LHFPL6: variants seen among roughly 807,000 people sequenced by gnomAD.
LHFPL6 encodes the protein LHFPL tetraspan subfamily member 6.
In LHFPL6, 9 loss-of-function variants were observed where a neutral mutation model predicts 20.6. The ratio of observed to expected loss-of-function variants is 0.44; its 90% CI spans 0.26 to 0.76. The LOEUF (loss-of-function observed/expected upper bound fraction) is 0.76. LHFPL6 is among the 30% of genes least tolerant of loss of function. The pLI, the probability that LHFPL6 is intolerant of heterozygous loss-of-function variation, is 0.20. For missense variants in LHFPL6, 218 were observed against 253.5 expected (o/e 0.86, Z 0.95); for synonymous variants, 105 against 98.7 (o/e 1.06, Z -0.38).
chr13:39,366,030 C>T (rs964998566), intron 3 of LHFPL6, among the ~76,000 whole-genome samples: 1 of 152,184 alleles, frequency 6.6e-6, no homozygotes, highest in African/African-American at 2.4e-5. Context: ...CTAGGGAATC[C>T]TTGCCTCACA....
At chr13:39,598,740 G>A (rs1872842569) in intron 2 of LHFPL6, among the ~76,000 whole-genome samples, 1 of 151,958 alleles carries the variant, frequency 6.6e-6, no homozygotes, top group South Asian at 2.1e-4. Flanking sequence ...GTATTTTTTA[G>A]TGGAGACCGG....
intron 2 of LHFPL6, among the ~76,000 whole-genome samples, chr13:39,422,602 A>AAAAAAG (rs1555261778): frequency 8.7e-6 from 1 of 114,298 alleles, no homozygotes; most frequent in Non-Finnish European, 1.8e-5. Context: ...AAAAAAAAAA[A>AAAAAAG]AAGAAGAAGA....
At chr13:39,348,067 T>G (rs946375586) in intron 3 of LHFPL6, among the ~76,000 whole-genome samples, 13 of 152,166 alleles carry the variant, frequency 8.5e-5, no homozygotes, top group Non-Finnish European at 1.2e-4. Flanking sequence ...TAGTAAAGGG[T>G]TGGCTATCAG....
At chr13:39,563,137 C>T (rs1277688565) in intron 2 of LHFPL6, among the ~76,000 whole-genome samples, 1 of 141,130 alleles carries the variant, frequency 7.1e-6, no homozygotes, top group Non-Finnish European at 1.5e-5. Flanking sequence ...CACACACACA[C>T]ACAGCATCTC....
At position 39,546,663 on chromosome 13, in the gene LHFPL6, G is replaced by A. The variant is rs539657102; in HGVS notation, c.385+54169C>T. Among the ~76,000 whole-genome samples the A allele has an allele frequency of 6.6e-5, 10 of 152,160 alleles. No homozygotes were observed. The South Asian group carries it at 8.3e-4, about 13-fold the overall frequency. ...CCAGACACGAGAGCCAGCAATCAGG[G>A]TCACCCTTGACTCCACCCCATCTCT... On this transcript the variant is annotated intron_variant, in intron 2 of 3. Coordinates refer to ENST00000379589, the MANE Select transcript of LHFPL6 (RefSeq NM_005780.3).
intron 2 of LHFPL6, among the ~76,000 whole-genome samples, chr13:39,433,679 G>C (rs775743795): frequency 2.0e-4 from 31 of 152,136 alleles, no homozygotes; most frequent in Admixed American, 2.0e-4. Context: ...AATAAAACTG[G>C]CAAGTTAAGT....
chr13:39,549,142 C>G (rs748950638), intron 2 of LHFPL6, among the ~76,000 whole-genome samples: 1 of 152,012 alleles, frequency 6.6e-6, no homozygotes, highest in Non-Finnish European at 1.5e-5. Flanking sequence ...GGATGGCAAA[C>G]AGGCATATGA....
At chr13:39,588,415 A>G (rs1019491773) in intron 2 of LHFPL6, among the ~76,000 whole-genome samples, 1 of 152,226 alleles carries the variant, frequency 6.6e-6, no homozygotes, top group Non-Finnish European at 1.5e-5. Context: ...TTGACCATTA[A>G]TTCAAAGAGA....
rs568170802 is a variant in LHFPL6, at chr13:39,487,339, C to T, written c.386-108813G>A. 5.3e-4 allele frequency among the ~76,000 whole-genome samples: 80 copies of T among 152,246 alleles called. 1 individual carries two copies. Among genetic ancestry groups the T allele is most frequent in the Non-Finnish European group, 8.4e-4 (57 of 68,012 alleles). On this transcript the variant is annotated intron_variant, in intron 2 of 3. Coordinates refer to ENST00000379589, the MANE Select transcript of LHFPL6 (RefSeq NM_005780.3). ...TTAGTAGACAAAAGAGCAAACTCTC[C>T]CTTTTTAATAGATAAAGGGTTGTGC... is the stretch of plus-strand genomic sequence containing the variant.
intron 2 of LHFPL6, among the ~76,000 whole-genome samples, chr13:39,401,762 G>A (rs187185463): frequency 1.3e-5 from 2 of 152,210 alleles, no homozygotes; most frequent in Admixed American, 1.3e-4. Context: ...AATGGCTAGG[G>A]CATGGGACTC....
intron 2 of LHFPL6, among the ~76,000 whole-genome samples, chr13:39,447,694 G>C (rs1385864804): frequency 6.6e-6 from 1 of 152,110 alleles, no homozygotes; most frequent in East Asian, 1.9e-4. Context: ...GTGGCACCAA[G>C]GTCACTCAAC....
intron 2 of LHFPL6, among the ~76,000 whole-genome samples, chr13:39,514,712 A>C (rs1491004076): frequency 6.6e-6 from 1 of 152,218 alleles, no homozygotes; most frequent in Admixed American, 6.5e-5. Flanking sequence ...AGGAACAGGG[A>C]AAGGGAAGCA....
At chr13:39,456,491 A>G (rs973860431) in intron 2 of LHFPL6, among the ~76,000 whole-genome samples, 8 of 152,244 alleles carry the variant, frequency 5.3e-5, no homozygotes, top group Non-Finnish European at 1.0e-4. Flanking sequence ...TATTGAATAC[A>G]ACAATATATA....
Position 39,344,008 on chromosome 13 carries a change from G to GGCAC in LHFPL6, c.527_530dup (p.Thr178CysfsTer64). The GGCAC allele has an allele frequency of 6.2e-7, 1 of 1,613,748 alleles. No homozygotes were observed. The highest frequency in any genetic ancestry group is 8.5e-7 in the Non-Finnish European group (1 of 1,179,890). Reference sequence around the variant, plus strand: ...ACGTGCACAGCAGCATGGCGGCAGTGGCACCTGCTCCCGTGCAGTAGTAGG... The same window carrying GGCAC: ...ACGTGCACAGCAGCATGGCGGCAGTGGCACGCACCTGCTCCCGTGCAGTAGTAGG... On this transcript the variant is annotated frameshift_variant, in exon 4 of 4. Transcript: ENST00000379589. LOFTEE classifies it high-confidence loss of function.
At chr13:39,551,196 T>C (rs953220047) in intron 2 of LHFPL6, among the ~76,000 whole-genome samples, 1 of 152,140 alleles carries the variant, frequency 6.6e-6, no homozygotes, top group African/African-American at 2.4e-5. Flanking sequence ...CAGGTGCCTA[T>C]TCAGCTCATG....
intron 2 of LHFPL6, among the ~76,000 whole-genome samples, chr13:39,452,190 G>A (rs1165364212): frequency 6.6e-6 from 1 of 151,972 alleles, no homozygotes; most frequent in Non-Finnish European, 1.5e-5. Context: ...GGCTGCGGAG[G>A]GAAGTGAAGC....
intron 2 of LHFPL6, among the ~76,000 whole-genome samples, chr13:39,492,541 A>G (rs1868961606): frequency 6.6e-6 from 1 of 152,198 alleles, no homozygotes; most frequent in Non-Finnish European, 1.5e-5. Context: ...TTTTTAAATC[A>G]AAGACATTCA....
At chr13:39,573,646 C>T (rs996616125) in intron 2 of LHFPL6, among the ~76,000 whole-genome samples, 21 of 151,814 alleles carry the variant, frequency 1.4e-4, no homozygotes, top group African/African-American at 4.8e-4. Flanking sequence ...TTTTTAATTA[C>T]AGTGTTATCT....
chr13:39,365,498 C>T (rs1328968828), intron 3 of LHFPL6, among the ~76,000 whole-genome samples: 2 of 152,256 alleles, frequency 1.3e-5, no homozygotes, highest in Non-Finnish European at 2.9e-5. Context: ...TCAATTTGGG[C>T]AAGCATAGCC....
Sources: allele counts gnomAD v4.1 joint callset (sites outside exome capture counted in the v4.1 genomes callset), GRCh38; gene constraint gnomAD v4.1.1; transcripts MANE v1.5; gene names NCBI Gene and HGNC (gene_info 2026-07-23, HGNC 2026-07-21).